The following CLK4 variants were observed in gnomAD, a reference collection of about 807,000 sequenced individuals.
CLK4 encodes the protein dual specificity protein kinase CLK4.
A neutral mutation model predicts 64.4 loss-of-function variants in CLK4; 37 were observed. That is an observed-to-expected ratio of 0.57 (90% CI 0.44 to 0.76). The LOEUF (loss-of-function observed/expected upper bound fraction) is 0.76. CLK4 is among the 30% of genes least tolerant of loss of function. CLK4 has a pLI of 0.00. For missense variants in CLK4, 457 were observed against 605.1 expected (o/e 0.76, Z 2.57); for synonymous variants, 175 against 191.6 (o/e 0.91, Z 0.72).
rs1764638807 is a variant in CLK4, at chr5:178,617,201, GAAGAAATATAA to G, written c.475+132_475+142del. ...AGAAATATTTAAATTCTACAGAAAA[GAAGAAATATAA>G]AAGAACAAACAAACCCACAAAAAGC... On this transcript the variant is annotated intron_variant, in intron 4 of 12. Coordinates refer to ENST00000316308, the MANE Select transcript of CLK4 (RefSeq NM_020666.3). This position sits in a 1 kb window ranked among gnomAD's most constrained non-coding sequence, Gnocchi z 5.2. 1 of 683,574 alleles carries G rather than the reference GAAGAAATATAA, an allele frequency of 1.5e-6. No individual in the cohort carries two copies. The highest frequency in any genetic ancestry group is 2.5e-6 in the Non-Finnish European group (1 of 401,624). The allele number at this position is 683,574 out of a possible 1,614,324, so 42.3% of individuals were successfully genotyped here.
At chr5:178,621,473 G>A (rs1764705469) in intron 2 of CLK4, among the ~76,000 whole-genome samples, 1 of 152,084 alleles carries the variant, frequency 6.6e-6, no homozygotes, top group South Asian at 2.1e-4. Flanking sequence ...ATATATATAT[G>A]ACAAATGGTT....
intron 1 of CLK4, among the ~76,000 whole-genome samples, chr5:178,625,381 C>T (rs1420954189): frequency 6.9e-6 from 1 of 145,180 alleles, no homozygotes; most frequent in Non-Finnish European, 1.5e-5. Flanking sequence ...GCCATGATCA[C>T]GCCATTGCAT....
chr5:178,618,921 T>G (rs1764666567), intron 2 of CLK4, 143 bp from the exon 3 acceptor site: 3 of 630,572 alleles, frequency 4.8e-6, no homozygotes, highest in Non-Finnish European at 8.1e-6. Context: ...TTTATATTTA[T>G]CTCATAAAGC....
intron 9 of CLK4, among the ~76,000 whole-genome samples, chr5:178,608,904 C>G (rs1764504379): frequency 6.6e-6 from 1 of 152,158 alleles, no homozygotes; most frequent in Admixed American, 6.5e-5. Context: ...CAATTATCAT[C>G]AGCTTGATGC....
At position 178,612,460 on chromosome 5, in the gene CLK4, G is replaced by A. The variant is rs1300844727; in HGVS notation, c.1007C>T (p.Thr336Ile). 6 of 1,614,086 alleles carry A rather than the reference G, an allele frequency of 3.7e-6. No individual in the cohort carries two copies. The highest frequency in any genetic ancestry group is 1.7e-5 in the Admixed American group (1 of 60,028). Residue 336 changes from threonine to isoleucine, a missense_variant, in exon 9 of 13, where the codon ACT becomes ATT. Coordinates refer to ENST00000316308, the MANE Select transcript of CLK4 (RefSeq NM_020666.3). ...TCTGTAGTGCCGGGTAGACACCAAA[G>A]TACTGTGATGTTCATCATCATACGT... ...SATYDDEHHS[T>I]LVSTRHYRAP... is the part of the protein sequence containing the mutation.
At chr5:178,620,216 C>T (rs7700943) in intron 2 of CLK4, 156,081 of 259,696 alleles carry the variant, frequency 0.6, 48,362 homozygotes, top group African/African-American at 0.82. Flanking sequence ...TAGTCTAGGT[C>T]AGATATCTGA....
intron 5 of CLK4, among the ~76,000 whole-genome samples, chr5:178,615,421 A>AT (rs1764614260): frequency 6.6e-6 from 1 of 152,248 alleles, no homozygotes; most frequent in Non-Finnish European, 1.5e-5. Flanking sequence ...GAACTATTTT[A>AT]TCAATTTTTC....
intron 1 of CLK4, among the ~76,000 whole-genome samples, chr5:178,626,586 C>A (rs114851608): frequency 0.017 from 2,665 of 152,352 alleles, 50 homozygotes; most frequent in South Asian, 0.054. Context: ...TCCGACAACA[C>A]GAATGCCAGA....
chr5:178,608,475 A>T lies in CLK4; in HGVS notation c.1052-17T>A, dbSNP rs1192715084. 1.9e-6 allele frequency: 3 copies of T among 1,588,956 alleles called. No homozygotes were observed. In the Admixed American group the frequency reaches 5.4e-5, roughly 29 times the overall value. ...AACCTAAAGCTATTTTAAAACAAAT[A>T]GAAACATTTTACTATGCAAAAACTT... On this transcript the variant is annotated splice_polypyrimidine_tract_variant and intron_variant, in intron 9 of 12. Coordinates refer to ENST00000316308, the MANE Select transcript of CLK4 (RefSeq NM_020666.3).
rs1375492188 is a variant in CLK4 at position 178,623,314 on chromosome 5, T to C, written c.103A>G (p.Ser35Gly). 1.2e-6 allele frequency: 2 copies of C among 1,613,960 alleles called. No individual in the cohort carries two copies. Among genetic ancestry groups the C allele is most frequent in the Non-Finnish European group, 1.7e-6 (2 of 1,179,958 alleles). The part of the protein sequence containing the change: ...GSHKRKRRSH[S>G]STQENRHCKP... ...CAATGCCTGTTCTCTTGTGTGCTAC[T>C]ATGAGATCTCCTCTTCCGCTTGTGA... The change falls in exon 2 of 13, where the codon AGT becomes GGT. Residue 35 changes from serine (S) to glycine (G), a missense_variant. Physicochemically the swap from Ser to Gly is moderately conservative, Grantham distance 56 (BLOSUM62 0). Coordinates refer to ENST00000316308, the MANE Select transcript of CLK4 (RefSeq NM_020666.3).
Position 178,612,817 on chromosome 5 carries a change from T to A in CLK4, c.900A>T (p.Val300=). 6.4e-7 allele frequency: 1 copy of A among 1,563,942 alleles called. No homozygotes were observed. The highest frequency in any genetic ancestry group is 1.7e-5 in the Admixed American group (1 of 58,174). The change falls in exon 8 of 13, where the codon GTA becomes GTT. Residue 300 remains valine, a synonymous_variant. Coordinates refer to ENST00000316308, the MANE Select transcript of CLK4 (RefSeq NM_020666.3). ...TTACCATTTTAGAATTATATTTGAC[T>A]ACATAGTCAGACTTCACAAACAAAA... The part of the protein sequence containing the change: ...ENILFVKSDY[V]VKYNSKMKRD...
chr5:178,619,301 G>C (rs1466559989), intron 2 of CLK4, among the ~76,000 whole-genome samples: 1 of 152,110 alleles, frequency 6.6e-6, no homozygotes, highest in African/African-American at 2.4e-5. Flanking sequence ...GATTTACCAA[G>C]GTTGTATAAC....
Position 178,603,626 on chromosome 5 carries a change from T to G in CLK4, c.1437A>C (p.Lys479Asn). Reference protein sequence around the residue: ...ALQHPFFDLLKKK With the variant: ...ALQHPFFDLLNKK ...ACCACTGATTCCCATTTCATTTCTTTTTTAATAAGTCAAAGAAAGGATGCT... is the reference window on the plus strand; with the variant it reads ...ACCACTGATTCCCATTTCATTTCTTGTTTAATAAGTCAAAGAAAGGATGCT... Residue 479 changes from lysine to asparagine, a missense_variant, in exon 13 of 13, where the codon AAA (lysine) becomes AAC (asparagine). Lys to Asn is a moderately conservative substitution (Grantham distance 94). Transcript: ENST00000316308. 6.4e-7 allele frequency: 1 copy of G among 1,568,030 alleles called. No homozygotes were observed. The highest frequency in any genetic ancestry group is 8.6e-7 in the Non-Finnish European group (1 of 1,163,894).
rs62389272 is a variant in CLK4 at position 178,616,602 on chromosome 5, C to G, written c.542+280G>C. The stretch of plus-strand genomic sequence containing the variant: ...CTTGAGGTCAGGAGTTCGAGACCAC[C>G]CAGGCCAACACGGTGAAACCCCATC... On this transcript the variant is annotated intron_variant, in intron 5 of 12. Transcript: ENST00000316308. Among the ~76,000 whole-genome samples, 1,349 of 152,126 alleles carry G rather than the reference C, an allele frequency of 8.9e-3. 8 individuals are homozygous for G. Among genetic ancestry groups the G allele is most frequent in the South Asian group, 0.016 (76 of 4,812 alleles).
intron 2 of CLK4, chr5:178,620,386 C>G (rs772503797): frequency 1.9e-4 from 46 of 246,696 alleles, no homozygotes; most frequent in Non-Finnish European, 3.1e-4. Flanking sequence ...ATTAGAGCTG[C>G]TAAGCCATAA....
chr5:178,616,874 A>T lies in CLK4; in HGVS notation c.542+8T>A. The T allele has an allele frequency of 2.5e-6, 4 of 1,603,908 alleles. No homozygotes were observed. Among genetic ancestry groups the T allele is most frequent in the Non-Finnish European group, 3.4e-6 (4 of 1,172,764 alleles). ...TCAGAATGTTTGAAAAGGAAAAAAC[A>T]AACTTACATGCCATGATCAATGCAC... On this transcript the variant is annotated splice_region_variant and intron_variant, in intron 5 of 12. Coordinates refer to ENST00000316308, the MANE Select transcript of CLK4 (RefSeq NM_020666.3).
rs1470017460 is a variant in CLK4 at position 178,603,584 on chromosome 5, G to C, written c.*33C>G. On this transcript the variant is annotated 3_prime_UTR_variant, in exon 13 of 13. Coordinates refer to ENST00000316308, the MANE Select transcript of CLK4 (RefSeq NM_020666.3). ...ACACAGTCTTAAGTAATCTCTTCTAGAGAAGTATATAGTAAGACCACTGAT... is the reference window on the plus strand; with the variant it reads ...ACACAGTCTTAAGTAATCTCTTCTACAGAAGTATATAGTAAGACCACTGAT... 5 of 1,473,482 alleles carry C rather than the reference G, an allele frequency of 3.4e-6. No homozygotes were observed. The highest frequency in any genetic ancestry group is 4.5e-6 in the Non-Finnish European group (5 of 1,100,976). 91.3% of individuals were successfully genotyped at this position (1,473,482 alleles called of 1,614,324 possible).
rs1764575562 is a variant in CLK4, at chr5:178,612,785, CT to C, written c.921+10del. On this transcript the variant is annotated intron_variant, in intron 8 of 12. Transcript: ENST00000316308. ...GACAACCACCCAAATTAAAACAAGTCTTTAACTTACCATTTTAGAATTATAT... is the reference window on the plus strand; with the variant it reads ...GACAACCACCCAAATTAAAACAAGTCTTAACTTACCATTTTAGAATTATAT... 8.4e-6 allele frequency: 12 copies of C among 1,425,738 alleles called. No individual in the cohort carries two copies. The highest frequency in any genetic ancestry group is 1.1e-5 in the Non-Finnish European group (11 of 1,024,500). The allele number at this position is 1,425,738 out of a possible 1,614,324, so 88.3% of individuals were successfully genotyped here. A position where few individuals can be genotyped will look rare whatever the true frequency, so the allele number is the denominator to read the frequency against.
intron 2 of CLK4, among the ~76,000 whole-genome samples, chr5:178,619,199 A>G (rs1260520248): frequency 6.6e-6 from 1 of 152,248 alleles, no homozygotes; most frequent in African/African-American, 2.4e-5. Context: ...GAATTCCTTC[A>G]TGAAAGGTAT....
Sources: gnomAD v4.1 joint callset for allele counts (sites outside exome capture counted in the v4.1 genomes callset) on GRCh38, gnomAD v4.1.1 for gene constraint, Gnocchi (gnomAD v3.1) non-coding constraint, MANE v1.5 for transcripts, NCBI Gene and HGNC (gene_info 2026-07-23, HGNC 2026-07-21) for gene names.